The following MAST1 variants were observed in gnomAD, a reference collection of about 807,000 sequenced individuals.
The protein encoded by MAST1 is microtubule associated serine/threonine kinase 1.
A neutral mutation model predicts 124.6 loss-of-function variants in MAST1; 40 were observed. That is an observed-to-expected ratio of 0.32 (90% confidence interval 0.25 to 0.42). The LOEUF (loss-of-function observed/expected upper bound fraction) is 0.42, where lower values mean the gene tolerates loss of function less well. MAST1 is among the 10% of genes least tolerant of loss of function. MAST1 has a pLI of 1.00. For synonymous variants in MAST1, 938 were observed against 939.4 expected (o/e 1.00, Z 0.03); for missense variants, 1,558 against 2,181.9 (o/e 0.71, Z 5.70).
chr19:12,840,815 G>A (rs1471009940), intron 2 of MAST1, among the ~76,000 whole-genome samples, 176 bp from the exon 3 acceptor site: 2 of 150,808 alleles, frequency 1.3e-5, no homozygotes, highest in Non-Finnish European at 3.0e-5. Flanking sequence ...GAATCGTCTT[G>A]GAAGGGGCCA....
chr19:12,855,938 C>G (rs1286101546), intron 10 of MAST1, among the ~76,000 whole-genome samples: 1 of 135,290 alleles, frequency 7.4e-6, no homozygotes, highest in Non-Finnish European at 1.5e-5. Flanking sequence ...GTAATTCTGT[C>G]AATTTTTTTT....
chr19:12,842,302 T>G (rs1568406549), intron 3 of MAST1, among the ~76,000 whole-genome samples: 1 of 151,820 alleles, frequency 6.6e-6, no homozygotes, highest in African/African-American at 2.4e-5. Flanking sequence ...CTTTTTTTTT[T>G]CTTTTCTTGA....
Position 12,866,588 on chromosome 19 carries a change from C to A in MAST1, c.2030-65C>A. Reference sequence around the variant, plus strand: ...ACCCGTCTTGAACCAGGACTGGGCTCCTGTGGGGATGTGATATGAGGAGGA... The same window carrying A: ...ACCCGTCTTGAACCAGGACTGGGCTACTGTGGGGATGTGATATGAGGAGGA... On this transcript the variant is annotated intron_variant, in intron 17 of 25. Coordinates refer to ENST00000251472, the MANE Select transcript of MAST1 (RefSeq NM_014975.3). This position sits in a 1 kb window ranked among gnomAD's most constrained non-coding sequence, Gnocchi z 5.2. The A allele has an allele frequency of 9.5e-7, 1 of 1,052,558 alleles. No homozygotes were observed. The highest frequency in any genetic ancestry group is 1.3e-5 in the South Asian group (1 of 74,442). The allele number at this position is 1,052,558 out of a possible 1,614,324, so 65.2% of individuals were successfully genotyped here. A position where few individuals can be genotyped will look rare whatever the true frequency, so the allele number is the denominator to read the frequency against.
chr19:12,865,346 G>T lies in MAST1; in HGVS notation c.1669G>T (p.Glu557Ter). The T allele has an allele frequency of 6.2e-7, 1 of 1,606,148 alleles. No individual in the cohort carries two copies. The highest frequency in any genetic ancestry group is 2.2e-5 in the East Asian group (1 of 44,864). The change falls in exon 15 of 26, where the codon GAG becomes TAG. Residue 557 changes from glutamate (E) to a stop codon, truncating the protein, a stop_gained. Coordinates refer to ENST00000251472, the MANE Select transcript of MAST1 (RefSeq NM_014975.3). LOFTEE classifies it high-confidence loss of function. The surrounding 1 kb of genome is among the most constrained non-coding windows in gnomAD (Gnocchi z 7.1). ...TGGGACCCCAGAGTACATCGCGCCC[G>T]AGGTCATCCTGCGTCAAGGCTACGG... ...VCGTPEYIAP[E>*]VILRQGYGKP...
chr19:12,871,068 C>G lies in MAST1; in HGVS notation c.3159C>G (p.Pro1053=). ...SGNKVAVTTT[P]FENTSIRIGP... ...ACAAGGTAGCAGTGACCACAACGCC[C>G]TTCGAAAATACCTCTATCCGCATTG... is the stretch of plus-strand genomic sequence containing the variant. The change falls in exon 24 of 26, where the codon CCC becomes CCG. Residue 1053 remains proline (P), a synonymous_variant. Coordinates refer to ENST00000251472, the MANE Select transcript of MAST1 (RefSeq NM_014975.3). The G allele has an allele frequency of 1.9e-6, 3 of 1,614,198 alleles. No homozygotes were observed. The highest frequency in any genetic ancestry group is 1.7e-5 in the Admixed American group (1 of 60,022).
intron 7 of MAST1, 115 bp from the exon 8 acceptor site, chr19:12,851,819 C>A: frequency 1.3e-6 from 1 of 765,110 alleles, no homozygotes. Context: ...GGGCTTCAGT[C>A]TCCTCACCTG....
At chr19:12,852,924 T>C (rs73503501) in intron 10 of MAST1, among the ~76,000 whole-genome samples, 7,784 of 152,158 alleles carry the variant, frequency 0.051, 686 homozygotes, top group African/African-American at 0.18. Context: ...CCATGAAACA[T>C]AAAATTTAAT....
chr19:12,858,269 C>T (rs765035277), intron 10 of MAST1, 93 bp from the exon 11 acceptor site: 6 of 1,118,434 alleles, frequency 5.4e-6, no homozygotes, highest in Non-Finnish European at 6.6e-6. Flanking sequence ...CTCTTTCATT[C>T]TGTGCCTCAG....
At chr19:12,856,323 A>G (rs1970017252) in intron 10 of MAST1, among the ~76,000 whole-genome samples, 1 of 148,146 alleles carries the variant, frequency 6.8e-6, no homozygotes, top group African/African-American at 2.5e-5. Context: ...TTTTTTTTAG[A>G]CAAAGTTCCA....
Position 12,862,651 on chromosome 19 carries a change from TC to T in MAST1, c.1367-2157del, listed in dbSNP as rs1450533770. On this transcript the variant is annotated intron_variant, in intron 12 of 25. Transcript: ENST00000251472. ...TGAAACCCTGTTGTTGTTGTTTTTT[TC>T]TTTTCCTTTTTTTTTTTTTTTTTGA... is the stretch of plus-strand genomic sequence containing the variant. Among the ~76,000 whole-genome samples the T allele has an allele frequency of 8.2e-4, 124 of 151,006 alleles. 1 individual carries two copies. The highest frequency in any genetic ancestry group is 3.4e-3 in the Middle Eastern group (1 of 292).
Position 12,858,618 on chromosome 19 carries a change from G to C in MAST1, c.1245G>C (p.Gln415His). ...AGCAGAACTTGATCCTCCGCAACCAGATCCAGCAGGCCTTTGTGGAGCGCG... is the reference window on the plus strand; with the variant it reads ...AGCAGAACTTGATCCTCCGCAACCACATCCAGCAGGCCTTTGTGGAGCGCG... ...INKQNLILRNQIQQAFVERDI... is the reference protein window; with the variant it reads ...INKQNLILRNHIQQAFVERDI... The change falls in exon 12 of 26, where the codon CAG (glutamine) becomes CAC (histidine). Residue 415 changes from glutamine to histidine, a missense_variant. Transcript: ENST00000251472. 6.2e-7 allele frequency: 1 copy of C among 1,614,266 alleles called. No individual in the cohort carries two copies. Among genetic ancestry groups the C allele is most frequent in the Non-Finnish European group, 8.5e-7 (1 of 1,180,050 alleles).
chr19:12,856,815 A>C (rs952705187), intron 10 of MAST1, among the ~76,000 whole-genome samples: 1 of 152,206 alleles, frequency 6.6e-6, no homozygotes, highest in Non-Finnish European at 1.5e-5. Flanking sequence ...ACAATGAGCA[A>C]GATAGTAGAT....
intron 10 of MAST1, among the ~76,000 whole-genome samples, chr19:12,852,620 C>A (rs941654798): frequency 6.6e-6 from 1 of 151,596 alleles, no homozygotes; most frequent in African/African-American, 2.4e-5. Flanking sequence ...GGGCAGATCA[C>A]CTGAGGTCGG....
rs1407089516 is a variant in MAST1, at chr19:12,847,342, T to G, written c.380T>G (p.Val127Gly). Residue 127 changes from valine (V) to glycine (G), a missense_variant, in exon 5 of 26, where the codon GTG becomes GGG. Val to Gly is a moderately radical substitution (Grantham distance 109). This residue lies in a region of MAST1 where 165 missense variants were observed against 315.3 expected (regional missense o/e 0.52). Transcript: ENST00000251472. The surrounding 1 kb of genome is among the most constrained non-coding windows in gnomAD (Gnocchi z 5.5). The part of the protein sequence containing the change: ...RLHQLPYQPT[V>G]DELHFLSKHF... ...CACCAGCTGCCCTACCAGCCCACGG[T>G]GGACGAGCTCCACTTCCTCTCCAAA... is the stretch of plus-strand genomic sequence containing the variant. The G allele has an allele frequency of 6.2e-7, 1 of 1,613,668 alleles. No homozygotes were observed. Among genetic ancestry groups the G allele is most frequent in the Non-Finnish European group, 8.5e-7 (1 of 1,179,976 alleles).
chr19:12,840,613 G>A (rs1178969508), intron 2 of MAST1, 79 bp downstream of exon 2: 8 of 1,052,030 alleles, frequency 7.6e-6, no homozygotes, highest in African/African-American at 3.1e-5. Context: ...GCGTGGTCAT[G>A]CTACAGAAGG....
rs1969908510 is a variant in MAST1, at chr19:12,847,524, C to G, written c.488+74C>G. 3.1e-6 allele frequency: 5 copies of G among 1,610,274 alleles called. No individual in the cohort carries two copies. In the Admixed American group the frequency reaches 8.4e-5, roughly 27 times the overall value. On this transcript the variant is annotated intron_variant, in intron 5 of 25. Transcript: ENST00000251472. The surrounding 1 kb of genome is among the most constrained non-coding windows in gnomAD (Gnocchi z 5.5). ...TTGTGCTTAGAGAGACCCCTGTCCC[C>G]GCGAATAAAAGGGTTACATCTTGGG...
chr19:12,847,397 C>G lies in MAST1; in HGVS notation c.435C>G (p.Asp145Glu), dbSNP rs747838927. The change falls in exon 5 of 26, where the codon GAC (aspartate) becomes GAG (glutamate). Residue 145 changes from aspartate (D) to glutamate (E), a missense_variant. Around this residue, in one of 10 missense-constraint regions of MAST1, gnomAD observed 165 missense variants for 315.3 expected, o/e 0.52. Coordinates refer to ENST00000251472, the MANE Select transcript of MAST1 (RefSeq NM_014975.3). This position sits in a 1 kb window ranked among gnomAD's most constrained non-coding sequence, Gnocchi z 5.5. ...KHFGSTESIT[D>E]EDGGRRSPAV... ...TCGGGAGCACCGAGAGCATCACAGA[C>G]GAGGATGGTGGCCGTCGCTCCCCAG... The G allele has an allele frequency of 6.2e-7, 1 of 1,613,970 alleles. No individual in the cohort carries two copies. Among genetic ancestry groups the G allele is most frequent in the Non-Finnish European group, 8.5e-7 (1 of 1,180,002 alleles).
intron 7 of MAST1, 103 bp downstream of exon 7, chr19:12,848,160 A>C: frequency 9.4e-7 from 1 of 1,061,704 alleles, no homozygotes; most frequent in Admixed American, 2.1e-5. Flanking sequence ...AGCTCCTACC[A>C]CGTTCCAGGC....
Position 12,847,909 on chromosome 19 carries a change from T to C in MAST1, c.626T>C (p.Val209Ala). The C allele has an allele frequency of 6.2e-7, 1 of 1,613,942 alleles. No homozygotes were observed. The highest frequency in any genetic ancestry group is 2.2e-5 in the East Asian group (1 of 44,888). ...ACCCGCGCCTACGAACCCGACAGCG[T>C]TCTGCCTCTGGCCGATGGCGTGCTC... Reference protein sequence around the residue: ...DFTRAYEPDSVLPLADGVLSF... With the variant: ...DFTRAYEPDSALPLADGVLSF... Residue 209 changes from valine to alanine, a missense_variant, in exon 7 of 26, where the codon GTT becomes GCT. Physicochemically the swap from Val to Ala is moderately conservative, Grantham distance 64. Coordinates refer to ENST00000251472, the MANE Select transcript of MAST1 (RefSeq NM_014975.3). The surrounding 1 kb of genome is among the most constrained non-coding windows in gnomAD (Gnocchi z 5.5).
Sources: allele counts gnomAD v4.1 joint callset (sites outside exome capture counted in the v4.1 genomes callset), GRCh38; gene constraint gnomAD v4.1.1; regional missense constraint gnomAD v4.1.1; non-coding constraint Gnocchi (gnomAD v3.1); transcripts MANE v1.5; gene names NCBI Gene and HGNC (gene_info 2026-07-23, HGNC 2026-07-21).